Variants in CSMD1 observed in about 807,000 individuals in gnomAD.
The protein encoded by CSMD1 is CUB and sushi domain-containing protein 1.
CSMD1 carries 213 observed loss-of-function variants against 417.5 expected under a neutral mutation model. The observed-to-expected ratio is 0.51, with a 90% CI of 0.46 to 0.57. The LOEUF (loss-of-function observed/expected upper bound fraction) is 0.57, where lower values mean the gene tolerates loss of function less well. CSMD1 is among the 20% of genes least tolerant of loss of function. The pLI is 0.00. For missense variants in CSMD1, 6,923 were observed against 4,529.7 expected (o/e 1.53, Z -15.17); for synonymous variants, 2,862 against 1,736.8 (o/e 1.65, Z -16.11).
chr8:3,295,196 C>G (rs1241980731), intron 25 of CSMD1, among the ~76,000 whole-genome samples: 11 of 152,098 alleles, frequency 7.2e-5, no homozygotes, highest in African/African-American at 7.2e-5. Context: ...GTGATCTTGG[C>G]TCACTGGAAG....
chr8:4,665,194 T>C (rs2130931027), intron 1 of CSMD1, among the ~76,000 whole-genome samples: 1 of 152,310 alleles, frequency 6.6e-6, no homozygotes, highest in South Asian at 2.1e-4. Context: ...TGCCAAACCC[T>C]GGCGGCTTCT....
At chr8:4,932,520 A>G (rs1434066426) in intron 1 of CSMD1, among the ~76,000 whole-genome samples, 1 of 152,206 alleles carries the variant, frequency 6.6e-6, no homozygotes, top group Non-Finnish European at 1.5e-5. Flanking sequence ...AAATGAACGT[A>G]TTCACCTAGA....
chr8:2,961,255 T>G, intron 61 of CSMD1, 41 bp from the exon 62 acceptor site: 1 of 1,303,228 alleles, frequency 7.7e-7, no homozygotes, highest in Non-Finnish European at 1.1e-6. Context: ...GCACCAGATA[T>G]AGTTATTGTG....
intron 25 of CSMD1, among the ~76,000 whole-genome samples, chr8:3,297,057 C>A (rs1804024836): frequency 6.6e-6 from 1 of 152,150 alleles, no homozygotes; most frequent in Admixed American, 6.6e-5. Flanking sequence ...TCTGAAGTAC[C>A]TGGTCACATA....
intron 27 of CSMD1, among the ~76,000 whole-genome samples, chr8:3,224,523 C>G (rs1000197580): frequency 4.6e-5 from 7 of 152,288 alleles, no homozygotes; most frequent in African/African-American, 1.4e-4. Context: ...AGTGGCAAAA[C>G]AAACCCCAAA....
chr8:4,589,058 T>C (rs1052937062), intron 2 of CSMD1, among the ~76,000 whole-genome samples: 3 of 152,094 alleles, frequency 2.0e-5, no homozygotes, highest in Admixed American at 1.3e-4. Context: ...TGTGTAATAG[T>C]GTAAAAATAG....
At chr8:4,131,167 G>C (rs17069103) in intron 3 of CSMD1, among the ~76,000 whole-genome samples, 1 of 152,070 alleles carries the variant, frequency 6.6e-6, no homozygotes, top group African/African-American at 2.4e-5. Flanking sequence ...ACAAAAGACT[G>C]AGAGTAGTAC....
At chr8:3,084,851 T>G (rs956293811) in intron 49 of CSMD1, among the ~76,000 whole-genome samples, 2 of 151,964 alleles carry the variant, frequency 1.3e-5, no homozygotes, top group African/African-American at 4.8e-5. Context: ...CTGATTTAAT[T>G]GTACCACACA....
At chr8:4,880,057 C>T (rs934081167) in intron 1 of CSMD1, among the ~76,000 whole-genome samples, 2 of 152,040 alleles carry the variant, frequency 1.3e-5, no homozygotes, top group African/African-American at 2.4e-5. Flanking sequence ...AAGTAATCTC[C>T]TACCTTTCTG....
intron 5 of CSMD1, among the ~76,000 whole-genome samples, chr8:3,793,546 G>T (rs937721539): frequency 6.0e-5 from 9 of 149,896 alleles, no homozygotes; most frequent in African/African-American, 2.2e-4. Context: ...GCTTCCACAT[G>T]ACACCCCCTC....
At chr8:4,854,570 C>G (rs1457198746) in intron 1 of CSMD1, among the ~76,000 whole-genome samples, 3 of 152,152 alleles carry the variant, frequency 2.0e-5, no homozygotes, top group Non-Finnish European at 4.4e-5. Context: ...CGTGCGTGAG[C>G]TGAAGCAGGG....
intron 2 of CSMD1, among the ~76,000 whole-genome samples, chr8:4,603,502 C>T (rs1800703846): frequency 6.6e-6 from 1 of 151,968 alleles, no homozygotes; most frequent in Non-Finnish European, 1.5e-5. Flanking sequence ...AAGTATTAAT[C>T]CTATTTAAAA....
chr8:3,718,241 G>T (rs754826081), intron 6 of CSMD1, among the ~76,000 whole-genome samples: 1 of 152,080 alleles, frequency 6.6e-6, no homozygotes, highest in Non-Finnish European at 1.5e-5. Flanking sequence ...GTCTTCACAA[G>T]GTTATTTTGA....
chr8:3,994,659 G>A (rs114221600), intron 5 of CSMD1, among the ~76,000 whole-genome samples: 2 of 151,820 alleles, frequency 1.3e-5, no homozygotes, highest in African/African-American at 4.8e-5. Flanking sequence ...TGTACCTATA[G>A]CCTATGAGGC....
At chr8:4,495,879 G>A (rs912398025) in intron 2 of CSMD1, among the ~76,000 whole-genome samples, 13 of 152,028 alleles carry the variant, frequency 8.6e-5, no homozygotes, top group Admixed American at 8.5e-4. Flanking sequence ...ATTTTTCTGT[G>A]TTTTTTGCTC....
intron 40 of CSMD1, 48 bp from the exon 41 acceptor site, chr8:3,142,722 A>G: frequency 7.0e-7 from 1 of 1,424,168 alleles, no homozygotes; most frequent in Non-Finnish European, 9.9e-7. Context: ...CAAAATGTAT[A>G]AAATCAATGC....
chr8:3,404,311 G>T (rs906122207), intron 15 of CSMD1, among the ~76,000 whole-genome samples: 3 of 146,606 alleles, frequency 2.0e-5, no homozygotes, highest in African/African-American at 7.6e-5. Flanking sequence ...CTCCAGCCTG[G>T]GTGACAGAGC....
chr8:3,701,873 T>C (rs999179242), intron 7 of CSMD1, among the ~76,000 whole-genome samples: 1 of 152,186 alleles, frequency 6.6e-6, no homozygotes, highest in Non-Finnish European at 1.5e-5. Flanking sequence ...ATGGAACCAC[T>C]GTGTGTCGTT....
At chr8:3,645,102 T>G (rs1002491008) in intron 7 of CSMD1, among the ~76,000 whole-genome samples, 7 of 152,048 alleles carry the variant, frequency 4.6e-5, no homozygotes, top group Non-Finnish European at 1.0e-4. Context: ...ACTTCTGTCC[T>G]GAAGCCTGCT....
Sources: gnomAD v4.1 joint callset for allele counts (sites outside exome capture counted in the v4.1 genomes callset) on GRCh38, gnomAD v4.1.1 for gene constraint, MANE v1.5 for transcripts, NCBI Gene and HGNC (gene_info 2026-07-23, HGNC 2026-07-21) for gene names.